Variants in RAI14 observed in about 807,000 individuals in gnomAD.
The protein encoded by RAI14 is retinoic acid induced 14, also known as ankycorbin.
In RAI14, 45 loss-of-function variants were observed where a neutral mutation model predicts 115.4. That is an observed-to-expected ratio of 0.39 (90% CI 0.31 to 0.50). RAI14 has a LOEUF of 0.50. Among genes scored for constraint, RAI14 ranks in the 20% least tolerant of loss-of-function variants. The pLI, the probability that RAI14 is intolerant of heterozygous loss-of-function variation, is 0.85. For synonymous variants in RAI14, 371 were observed against 415.4 expected (o/e 0.89, Z 1.30); for missense variants, 939 against 1,131.2 (o/e 0.83, Z 2.44).
intron 1 of RAI14, among the ~76,000 whole-genome samples, chr5:34,678,099 G>GTT: frequency 8.1e-6 from 1 of 123,636 alleles, no homozygotes; most frequent in Non-Finnish European, 1.9e-5. Context: ...ATTTTGTTTT[G>GTT]TTTTGTTTTT....
intron 3 of RAI14, among the ~76,000 whole-genome samples, chr5:34,777,274 A>G (rs781203639): frequency 6.6e-6 from 1 of 152,238 alleles, no homozygotes; most frequent in African/African-American, 2.4e-5. Context: ...CCAAGTGTCA[A>G]TCAATGGACC....
At chr5:34,668,947 C>G (rs1465511682) in intron 1 of RAI14, among the ~76,000 whole-genome samples, 1 of 152,178 alleles carries the variant, frequency 6.6e-6, no homozygotes, top group African/African-American at 2.4e-5. Flanking sequence ...ACCTCTGCCT[C>G]TCAGGTTTAA....
intron 2 of RAI14, among the ~76,000 whole-genome samples, chr5:34,731,732 G>A (rs1285703348): frequency 2.0e-5 from 3 of 152,252 alleles, no homozygotes; most frequent in Non-Finnish European, 2.9e-5. Context: ...TGCTGCTACT[G>A]TGATAAACTT....
chr5:34,658,658 C>G (rs1052578727), intron 1 of RAI14, among the ~76,000 whole-genome samples: 5 of 152,200 alleles, frequency 3.3e-5, no homozygotes, highest in Middle Eastern at 3.4e-3. Context: ...ATTAGCTGGG[C>G]GTGGTGGCAC....
At position 34,707,434 on chromosome 5, in the gene RAI14, C is replaced by G. The variant is rs77158786; in HGVS notation, c.36+20479C>G. Among the ~76,000 whole-genome samples the G allele has an allele frequency of 5.2e-3, 794 of 152,354 alleles. 49 individuals are homozygous for G. The East Asian group carries it at 0.13, about 25-fold the overall frequency. On this transcript the variant is annotated intron_variant, in intron 2 of 17. Coordinates refer to ENST00000265109, the MANE Select transcript of RAI14 (RefSeq NM_015577.3). Reference sequence around the variant, plus strand: ...AGTGAGCCAAGATCACGCTACTGCACTCCAGCCTGGCGACAGAGCGAGACT... The same window carrying G: ...AGTGAGCCAAGATCACGCTACTGCAGTCCAGCCTGGCGACAGAGCGAGACT...
intron 2 of RAI14, chr5:34,688,252 A>T (rs1738105896): frequency 1.3e-6 from 2 of 1,548,436 alleles, no homozygotes; most frequent in Non-Finnish European, 1.7e-6. Context: ...GAAAAAGGCA[A>T]TTAAATGGAA....
chr5:34,688,183 A>T (rs756631288), intron 2 of RAI14: 1 of 1,549,510 alleles, frequency 6.5e-7, no homozygotes, highest in Non-Finnish European at 8.7e-7. Flanking sequence ...CTTCAACCTC[A>T]TCGTCTGCTG....
intron 2 of RAI14, among the ~76,000 whole-genome samples, chr5:34,749,309 C>G (rs1052955647): frequency 6.6e-6 from 1 of 152,224 alleles, no homozygotes; most frequent in African/African-American, 2.4e-5. Context: ...CATCTTTTCT[C>G]AAGAAAGTCA....
chr5:34,728,489 T>C (rs1306944470), intron 2 of RAI14: 1 of 151,818 alleles, frequency 6.6e-6, no homozygotes, highest in Non-Finnish European at 1.5e-5. Context: ...CACGGGGCGG[T>C]TTTTCCTGTG....
intron 2 of RAI14, among the ~76,000 whole-genome samples, chr5:34,721,291 G>GTGTATA (rs1295765799): frequency 2.3e-5 from 3 of 131,158 alleles, no homozygotes; most frequent in South Asian, 2.8e-4. Flanking sequence ...ATGTAGATGT[G>GTGTATA]TATATATATA....
At chr5:34,741,932 A>G (rs1017014077) in intron 2 of RAI14, among the ~76,000 whole-genome samples, 3 of 152,158 alleles carry the variant, frequency 2.0e-5, no homozygotes, top group Admixed American at 2.0e-4. Flanking sequence ...CACACGTGTC[A>G]TTGTGCCCCA....
At chr5:34,700,817 G>A (rs1286220582) in intron 2 of RAI14, among the ~76,000 whole-genome samples, 1 of 152,176 alleles carries the variant, frequency 6.6e-6, no homozygotes, top group Non-Finnish European at 1.5e-5. Context: ...TAGCTCATTA[G>A]CTCAAGTGGT....
At chr5:34,730,008 C>T (rs1006969297) in intron 2 of RAI14, among the ~76,000 whole-genome samples, 5 of 152,062 alleles carry the variant, frequency 3.3e-5, no homozygotes, top group African/African-American at 9.7e-5. Context: ...TGATGCTGTG[C>T]TATGTGGTCT....
intron 7 of RAI14, among the ~76,000 whole-genome samples, chr5:34,809,904 A>G (rs1455457045): frequency 6.6e-6 from 1 of 152,176 alleles, no homozygotes; most frequent in Non-Finnish European, 1.5e-5. Flanking sequence ...ATAAATTTAT[A>G]TACCTATCAC....
chr5:34,737,708 A>G (rs1454492871), intron 2 of RAI14, among the ~76,000 whole-genome samples: 2 of 152,176 alleles, frequency 1.3e-5, no homozygotes, highest in Non-Finnish European at 2.9e-5. Flanking sequence ...GCAGTGAGCT[A>G]TGAGCCCACC....
At chr5:34,718,559 C>T (rs368727438) in intron 2 of RAI14, among the ~76,000 whole-genome samples, 1 of 152,214 alleles carries the variant, frequency 6.6e-6, no homozygotes. Context: ...GATCTTTTCT[C>T]GTCCCCACCA....
At chr5:34,798,070 C>G (rs1186941252) in intron 4 of RAI14, among the ~76,000 whole-genome samples, 2 of 152,170 alleles carry the variant, frequency 1.3e-5, no homozygotes, top group African/African-American at 4.8e-5. Context: ...GAGTCTTGCT[C>G]TGTTGCCCAG....
At chr5:34,657,526 T>G (rs982253923) in intron 1 of RAI14, among the ~76,000 whole-genome samples, 5 of 152,088 alleles carry the variant, frequency 3.3e-5, no homozygotes, top group African/African-American at 1.2e-4. Flanking sequence ...AAGCCCAACT[T>G]TACTCCCAGA....
chr5:34,741,037 T>G (rs867572798), intron 2 of RAI14, among the ~76,000 whole-genome samples: 1 of 152,220 alleles, frequency 6.6e-6, no homozygotes, highest in African/African-American at 2.4e-5. Flanking sequence ...CTCTGTTTAC[T>G]AAGGCTTCCA....
Sources: allele counts gnomAD v4.1 joint callset (sites outside exome capture counted in the v4.1 genomes callset), GRCh38; gene constraint gnomAD v4.1.1; transcripts MANE v1.5; gene names NCBI Gene and HGNC (gene_info 2026-07-23, HGNC 2026-07-21).